ZNF428: variants seen among roughly 807,000 people sequenced by gnomAD.
The protein encoded by ZNF428 is enzyme-like protein PIT13.
ZNF428 carries 5 observed loss-of-function variants against 15.6 expected under a neutral mutation model. The observed-to-expected ratio is 0.32, with a 90% CI of 0.17 to 0.67. The LOEUF is 0.67. Among genes scored for constraint, ZNF428 ranks in the 30% least tolerant of loss-of-function variants. ZNF428 has a pLI of 0.73. For synonymous variants in ZNF428, 97 were observed against 102.2 expected (o/e 0.95, Z 0.31); for missense variants, 237 against 256.0 (o/e 0.93, Z 0.51).
chr19:43,619,083 T>C (rs758813069), intron 1 of ZNF428, among the ~76,000 whole-genome samples: 39 of 152,102 alleles, frequency 2.6e-4, no homozygotes, highest in Non-Finnish European at 4.9e-4. Flanking sequence ...GTGAACACAA[T>C]AGGCACCCGT....
Position 43,617,107 on chromosome 19 carries a change from T to C in ZNF428, c.-131+2451A>G, listed in dbSNP as rs1973379158. Among the ~76,000 whole-genome samples the C allele has an allele frequency of 2.0e-5, 3 of 152,002 alleles. No individual in the cohort carries two copies. The South Asian group carries it at 6.2e-4, about 31-fold the overall frequency. On this transcript the variant is annotated intron_variant, in intron 1 of 2. Transcript: ENST00000300811. The stretch of plus-strand genomic sequence containing the variant: ...CACCACGCCCAGCCCTCCTTCCCCC[T>C]TTTTGGCCTGGAGAACTCCTTTTCA...
chr19:43,619,184 A>G (rs1158777337), intron 1 of ZNF428, among the ~76,000 whole-genome samples: 2 of 152,202 alleles, frequency 1.3e-5, no homozygotes, highest in African/African-American at 4.8e-5. Context: ...AGTTCTTCCC[A>G]GGATGCCTTA....
Position 43,614,427 on chromosome 19 carries a change from G to C in ZNF428, c.-123C>G, listed in dbSNP as rs1555775427. 14 of 1,457,824 alleles carry C rather than the reference G, an allele frequency of 9.6e-6. No individual in the cohort carries two copies. Among genetic ancestry groups the C allele is most frequent in the Non-Finnish European group, 9.0e-6 (10 of 1,109,066 alleles). 90.3% of individuals were successfully genotyped at this position (1,457,824 alleles called of 1,614,324 possible). A position where few individuals can be genotyped will look rare whatever the true frequency, so the allele number is the denominator to read the frequency against. On this transcript the variant is annotated 5_prime_UTR_variant, in exon 2 of 3. Coordinates refer to ENST00000300811, the MANE Select transcript of ZNF428 (RefSeq NM_182498.4). ...CTAATACAGGATGTTGGCAGGTAGA[G>C]AGGGATGCTGGATAGGGGGAAAGGA...
At chr19:43,613,076 C>T (rs755894958) in intron 2 of ZNF428, 13 of 1,551,322 alleles carry the variant, frequency 8.4e-6, no homozygotes, top group South Asian at 7.1e-5. Flanking sequence ...AAGTCGCACC[C>T]GGAAGGGAAT....
intron 1 of ZNF428, 36 bp from the exon 2 acceptor site, chr19:43,614,470 A>C: frequency 7.0e-7 from 1 of 1,429,066 alleles, no homozygotes; most frequent in Non-Finnish European, 9.1e-7. Flanking sequence ...GTGATGATTC[A>C]ATAAATTTTT....
chr19:43,613,968 C>T lies in ZNF428; in HGVS notation c.76+261G>A. ...CCTAGAGCCTCCAGCAAGGAGAAAG[C>T]TCATAGCCGATCTAGAACCCCCAGC... On this transcript the variant is annotated intron_variant, in intron 2 of 2. Coordinates refer to ENST00000300811, the MANE Select transcript of ZNF428 (RefSeq NM_182498.4). 5.8e-6 allele frequency: 9 copies of T among 1,551,490 alleles called. No homozygotes were observed. Among genetic ancestry groups the T allele is most frequent in the Non-Finnish European group, 7.8e-6 (9 of 1,146,942 alleles).
rs55665674 is a variant in ZNF428 at position 43,609,359 on chromosome 19, G to GGAGAGAGAGAGAGAGAGAGAGA, written c.77-1253_77-1252insTCTCTCTCTCTCTCTCTCTCTC. 3.0e-3 allele frequency among the ~76,000 whole-genome samples: 245 copies of GGAGAGAGAGAGAGAGAGAGAGA among 81,822 alleles called. 4 individuals carry two copies. Among genetic ancestry groups the GGAGAGAGAGAGAGAGAGAGAGA allele is most frequent in the East Asian group, 0.013 (37 of 2,746 alleles). The allele number at this position is 81,822 out of a possible 152,430, so 53.7% of individuals were successfully genotyped here. ...GATGTACTTTTATATCTGTGGCCAT[G>GGAGAGAGAGAGAGAGAGAGAGA]GAGAGAGAGAGAGAGAGAGTTAGGT... is the stretch of plus-strand genomic sequence containing the variant. On this transcript the variant is annotated intron_variant, in intron 2 of 2. Coordinates refer to ENST00000300811, the MANE Select transcript of ZNF428 (RefSeq NM_182498.4).
Position 43,607,973 on chromosome 19 carries a change from G to C in ZNF428, c.211C>G (p.Leu71Val). The change falls in exon 3 of 3, where the codon CTT becomes GTT. Residue 71 changes from leucine to valine, a missense_variant. By Grantham distance (32) the Leu-to-Val change is conservative. Coordinates refer to ENST00000300811, the MANE Select transcript of ZNF428 (RefSeq NM_182498.4). This position sits in a 1 kb window ranked among gnomAD's most constrained non-coding sequence, Gnocchi z 5.1. ...GATGGGCCACCACGGCCCCCGCCAA[G>C]GCGCTGCTTCACCTTGTAGCCAGGA... ...YDPGYKVKQR[L>V]GGGRGGPSRR... is the part of the protein sequence containing the mutation. 6.2e-7 allele frequency: 1 copy of C among 1,606,588 alleles called. No individual in the cohort carries two copies. Among genetic ancestry groups the C allele is most frequent in the Middle Eastern group, 1.7e-4 (1 of 6,052 alleles).
In ZNF428 at chr19:43,607,416, TACACACACACACACACACACTCTGAACCA is replaced by T; in HGVS notation, c.*172_*200del. ...ACACAAACACACACACGGGCGGGAATACACACACACACACACACACTCTGAACCAACACACACAGATACAGATTTTGGCT... is the reference window on the plus strand; with the variant it reads ...ACACAAACACACACACGGGCGGGAATACACACACAGATACAGATTTTGGCT... On this transcript the variant is annotated 3_prime_UTR_variant, in exon 3 of 3. Transcript: ENST00000300811. This position sits in a 1 kb window ranked among gnomAD's most constrained non-coding sequence, Gnocchi z 5.1. 2 of 530,912 alleles carry T rather than the reference TACACACACACACACACACACTCTGAACCA, an allele frequency of 3.8e-6. No homozygotes were observed. Among genetic ancestry groups the T allele is most frequent in the Non-Finnish European group, 6.4e-6 (2 of 313,122 alleles). The allele number at this position is 530,912 out of a possible 1,614,324, so 32.9% of individuals were successfully genotyped here.
At position 43,607,951 on chromosome 19, in the gene ZNF428, G is replaced by A; in HGVS notation, c.233C>T (p.Pro78Leu). The A allele has an allele frequency of 1.9e-6, 3 of 1,590,706 alleles. No homozygotes were observed. The highest frequency in any genetic ancestry group is 2.6e-6 in the Non-Finnish European group (3 of 1,168,824). The change falls in exon 3 of 3, where the codon CCA becomes CTA. Residue 78 changes from proline to leucine, a missense_variant. Transcript: ENST00000300811. The surrounding 1 kb of genome is among the most constrained non-coding windows in gnomAD (Gnocchi z 5.1). Reference protein sequence around the residue: ...KQRLGGGRGGPSRRAPRAAQP... With the variant: ...KQRLGGGRGGLSRRAPRAAQP... Reference sequence around the variant, plus strand: ...GGCTGCACGGGGGGCCCGGCGGGATGGGCCACCACGGCCCCCGCCAAGGCG... The same window carrying A: ...GGCTGCACGGGGGGCCCGGCGGGATAGGCCACCACGGCCCCCGCCAAGGCG...
chr19:43,615,246 C>T (rs1221020862), intron 1 of ZNF428, among the ~76,000 whole-genome samples: 3 of 152,052 alleles, frequency 2.0e-5, no homozygotes, highest in East Asian at 1.9e-4. Flanking sequence ...GTGTCCCCTC[C>T]GATTCCATTC....
In ZNF428 at chr19:43,612,565, T is replaced by C; in HGVS notation, c.76+1664A>G. 1.3e-6 allele frequency: 2 copies of C among 1,551,334 alleles called. No individual in the cohort carries two copies. Among genetic ancestry groups the C allele is most frequent in the Non-Finnish European group, 1.7e-6 (2 of 1,146,942 alleles). On this transcript the variant is annotated intron_variant, in intron 2 of 2. Coordinates refer to ENST00000300811, the MANE Select transcript of ZNF428 (RefSeq NM_182498.4). The surrounding 1 kb of genome is among the most constrained non-coding windows in gnomAD (Gnocchi z 4.2). ...GCACTCCTGGCAGGATAAGAACTCA[T>C]GGTGCCAGACCAGGCATGGCCAGCA...
At chr19:43,616,874 C>T (rs888099262) in intron 1 of ZNF428, among the ~76,000 whole-genome samples, 1 of 149,930 alleles carries the variant, frequency 6.7e-6, no homozygotes, top group African/African-American at 2.5e-5. Flanking sequence ...TACAGTAGCG[C>T]GATCTCAGCT....
intron 2 of ZNF428, chr19:43,613,792 C>G: frequency 1.9e-6 from 3 of 1,549,868 alleles, no homozygotes; most frequent in Non-Finnish European, 2.6e-6. Flanking sequence ...AGAGAGAGCA[C>G]AGACAATCCA....
chr19:43,610,577 G>T (rs1317947059), intron 2 of ZNF428, among the ~76,000 whole-genome samples: 2 of 151,394 alleles, frequency 1.3e-5, no homozygotes, highest in Non-Finnish European at 2.9e-5. Flanking sequence ...CGAGAGCTGG[G>T]ACTTTGTCTG....
chr19:43,613,708 G>T, intron 2 of ZNF428: 1 of 1,551,442 alleles, frequency 6.4e-7, no homozygotes, highest in South Asian at 1.2e-5. Flanking sequence ...GCCCCAGCAA[G>T]GAGAGACAGC....
chr19:43,614,437 G>A lies in ZNF428; in HGVS notation c.-130-3C>T. 1 of 1,447,422 alleles carries A rather than the reference G, an allele frequency of 6.9e-7. No homozygotes were observed. The highest frequency in any genetic ancestry group is 2.5e-5 in the East Asian group (1 of 40,494). The allele number at this position is 1,447,422 out of a possible 1,614,324, so 89.7% of individuals were successfully genotyped here. A position where few individuals can be genotyped will look rare whatever the true frequency, so the allele number is the denominator to read the frequency against. ...ATGTTGGCAGGTAGAGAGGGATGCT[G>A]GATAGGGGGAAAGGAAAGACCTGTG... On this transcript the variant is annotated splice_polypyrimidine_tract_variant and splice_region_variant and intron_variant, in intron 1 of 2. Coordinates refer to ENST00000300811, the MANE Select transcript of ZNF428 (RefSeq NM_182498.4).
At position 43,608,064 on chromosome 19, in the gene ZNF428, C is replaced by A. The variant is rs149987980; in HGVS notation, c.120G>T (p.Pro40=). ...CCTCATCTTCTTCCTCTTCGGAGTC[C>A]GGCTCTGAGAGAGTGTATTCTGAAT... ...SSDSEYTLSE[P]DSEEEEDEEE... is the part of the protein sequence containing the mutation. The change falls in exon 3 of 3, where the codon CCG becomes CCT. Residue 40 remains proline (P), a synonymous_variant. Transcript: ENST00000300811. 27 of 1,613,916 alleles carry A rather than the reference C, an allele frequency of 1.7e-5. No individual in the cohort carries two copies. Among genetic ancestry groups the A allele is most frequent in the Non-Finnish European group, 2.2e-5 (26 of 1,179,976 alleles).
At chr19:43,609,113 C>T (rs1408934661) in intron 2 of ZNF428, among the ~76,000 whole-genome samples, 1 of 152,092 alleles carries the variant, frequency 6.6e-6, no homozygotes, top group Non-Finnish European at 1.5e-5. Context: ...TATACATTAA[C>T]TCACTAAATC....
Sources: allele counts gnomAD v4.1 joint callset (sites outside exome capture counted in the v4.1 genomes callset), GRCh38; gene constraint gnomAD v4.1.1; non-coding constraint Gnocchi (gnomAD v3.1); transcripts MANE v1.5; gene names NCBI Gene and HGNC (gene_info 2026-07-23, HGNC 2026-07-21).